Variants in FOXN3 observed in about 807,000 individuals in gnomAD.
FOXN3 encodes the protein forkhead box N3.
A neutral mutation model predicts 38.4 loss-of-function variants in FOXN3; 7 were observed. That is an observed-to-expected ratio of 0.18 (90% CI 0.10 to 0.34). The LOEUF (loss-of-function observed/expected upper bound fraction) is 0.34, where lower values mean the gene tolerates loss of function less well. Among genes scored for constraint, FOXN3 ranks in the 10% least tolerant of loss-of-function variants. The pLI, the probability that FOXN3 is intolerant of heterozygous loss-of-function variation, is 1.00. For missense variants in FOXN3, 456 were observed against 613.4 expected, an observed-to-expected ratio of 0.74 and a Z score of 2.71; for synonymous variants, 230 against 242.2, an observed-to-expected ratio of 0.95 and a Z score of 0.47.
intron 3 of FOXN3, among the ~76,000 whole-genome samples, chr14:89,316,451 G>A (rs1052631507): frequency 4.6e-5 from 7 of 151,882 alleles, no homozygotes; most frequent in Admixed American, 2.0e-4. Flanking sequence ...GACCTCCCAG[G>A]CTCAAGCAAT....
At chr14:89,481,150 CTGTT>C (rs1893319413) in intron 1 of FOXN3, among the ~76,000 whole-genome samples, 1 of 149,782 alleles carries the variant, frequency 6.7e-6, no homozygotes, top group South Asian at 2.1e-4. Context: ...TTTCTCCTGG[CTGTT>C]TGGGTTGGGA....
At chr14:89,430,797 C>T (rs1228035322) in intron 1 of FOXN3, among the ~76,000 whole-genome samples, 2 of 152,174 alleles carry the variant, frequency 1.3e-5, no homozygotes, top group Non-Finnish European at 2.9e-5. Flanking sequence ...TATTCAAATA[C>T]CACCAGACGG....
At chr14:89,373,231 A>C (rs1890374188) in intron 2 of FOXN3, among the ~76,000 whole-genome samples, 1 of 152,286 alleles carries the variant, frequency 6.6e-6, no homozygotes, top group Non-Finnish European at 1.5e-5. Context: ...AAGACACTGA[A>C]AGCGTGTTTC....
intron 2 of FOXN3, among the ~76,000 whole-genome samples, chr14:89,374,685 A>G (rs1023969829): frequency 6.6e-6 from 1 of 152,110 alleles, no homozygotes; most frequent in Non-Finnish European, 1.5e-5. Context: ...AAAGTATACT[A>G]TTCTTGCCGG....
upstream of FOXN3, among the ~76,000 whole-genome samples, chr14:89,418,035 C>G (rs942430022): frequency 6.6e-6 from 1 of 152,250 alleles, no homozygotes; most frequent in Non-Finnish European, 1.5e-5. Flanking sequence ...AGCCACCACT[C>G]TAAGTCTCTA....
At chr14:89,224,640 T>C (rs769477353) in intron 4 of FOXN3, among the ~76,000 whole-genome samples, 1 of 152,204 alleles carries the variant, frequency 6.6e-6, no homozygotes, top group Non-Finnish European at 1.5e-5. Flanking sequence ...GATGTAAATA[T>C]GTGCTACATG....
At chr14:89,169,443 AAAAAG>A (rs1260271706) in intron 5 of FOXN3, among the ~76,000 whole-genome samples, 8 of 152,240 alleles carry the variant, frequency 5.3e-5, no homozygotes, top group Non-Finnish European at 1.0e-4. Context: ...CCCTGTCTCA[AAAAAG>A]AAAAGAAAAT....
At chr14:89,418,313 A>C (rs1891811472), upstream of FOXN3, among the ~76,000 whole-genome samples, 1 of 152,012 alleles carries the variant, frequency 6.6e-6, no homozygotes, top group Non-Finnish European at 1.5e-5. Flanking sequence ...GACCTGGAGA[A>C]AGCTTTCTAG....
chr14:89,580,848 G>A (rs763445292), intron 1 of FOXN3, among the ~76,000 whole-genome samples: 2 of 152,088 alleles, frequency 1.3e-5, no homozygotes, highest in African/African-American at 2.4e-5. Flanking sequence ...CCCCTTCTGG[G>A]GTCAGAGGGA....
intron 1 of FOXN3, among the ~76,000 whole-genome samples, chr14:89,457,798 A>T (rs1301433816): frequency 6.6e-6 from 1 of 152,098 alleles, no homozygotes; most frequent in Admixed American, 6.5e-5. Context: ...GGATCACCTG[A>T]GGTCGGGAGT....
At chr14:89,545,312 G>C (rs576745038) in intron 1 of FOXN3, among the ~76,000 whole-genome samples, 14 of 152,302 alleles carry the variant, frequency 9.2e-5, no homozygotes, top group African/African-American at 3.1e-4. Context: ...GATCTCATTC[G>C]TCGATACGGG....
At chr14:89,454,840 T>C (rs1892686721) in intron 1 of FOXN3, among the ~76,000 whole-genome samples, 1 of 152,218 alleles carries the variant, frequency 6.6e-6, no homozygotes, top group African/African-American at 2.4e-5. Context: ...CTTCATGTTG[T>C]TAATTGTCTT....
rs554663426 is a variant in FOXN3 at position 89,271,570 on chromosome 14, T to C, written c.745+9380A>G. 3.0e-4 allele frequency among the ~76,000 whole-genome samples: 46 copies of C among 152,362 alleles called. 1 individual carries two copies. In the South Asian group the frequency reaches 8.3e-3, roughly 27 times the overall value. On this transcript the variant is annotated intron_variant, in intron 4 of 5. Transcript: ENST00000557258. ...TCTATCTACTAATATAAAATTCACA[T>C]AGACTAAAATAAAATATTCATTCTA...
intron 1 of FOXN3, among the ~76,000 whole-genome samples, chr14:89,504,796 C>T (rs1318900383): frequency 6.6e-6 from 1 of 152,084 alleles, no homozygotes; most frequent in African/African-American, 2.4e-5. Context: ...AAGGCAACTC[C>T]CTCTAACAGC....
intron 1 of FOXN3, among the ~76,000 whole-genome samples, chr14:89,509,693 T>C (rs556885828): frequency 2.6e-4 from 40 of 152,342 alleles, no homozygotes; most frequent in African/African-American, 8.9e-4. Flanking sequence ...GTCTGTCTCA[T>C]TCACTGCTGT....
At chr14:89,331,075 A>C (rs915588240) in intron 3 of FOXN3, among the ~76,000 whole-genome samples, 3 of 152,190 alleles carry the variant, frequency 2.0e-5, no homozygotes, top group African/African-American at 7.2e-5. Context: ...CCACTTAAAC[A>C]ATTTTTTAGG....
At chr14:89,218,168 C>A (rs1596109881) in intron 4 of FOXN3, among the ~76,000 whole-genome samples, 1 of 152,328 alleles carries the variant, frequency 6.6e-6, no homozygotes, top group African/African-American at 2.4e-5. Flanking sequence ...GCCATGCCTG[C>A]ACCTATCTGT....
chr14:89,458,030 C>CAAAAAAA (rs11445763), intron 1 of FOXN3, among the ~76,000 whole-genome samples: 4 of 53,528 alleles, frequency 7.5e-5, no homozygotes, highest in African/African-American at 1.5e-4. Flanking sequence ...AACTCCATCT[C>CAAAAAAA]AAAAAAAAAA....
chr14:89,446,080 C>A (rs1892487831), intron 1 of FOXN3, among the ~76,000 whole-genome samples: 1 of 28,284 alleles, frequency 3.5e-5, no homozygotes, highest in African/African-American at 8.5e-5. Context: ...AGAGCGAGAC[C>A]CTGCCTCAAA....
Sources: gnomAD v4.1 joint callset for allele counts (sites outside exome capture counted in the v4.1 genomes callset) on GRCh38, gnomAD v4.1.1 for gene constraint, MANE v1.5 for transcripts, NCBI Gene and HGNC (gene_info 2026-07-23, HGNC 2026-07-21) for gene names.